The following PGCKA1 variants were observed in gnomAD, a reference collection of about 807,000 sequenced individuals.
The protein encoded by PGCKA1 is PDCD10 and GCKIII kinases-associated protein 1.
At chr4:37,470,701 G>A in the PGCKA1 span, among the ~76,000 whole-genome samples, 5 of 152,086 alleles carry the variant, frequency 3.3e-5, no homozygotes, top group African/African-American at 4.8e-5. Context: ...AATTATCACC[G>A]GAGCTACCTT....
chr4:37,590,917 G>C, the PGCKA1 span: 12 of 1,614,262 alleles, frequency 7.4e-6, no homozygotes, highest in Admixed American at 2.0e-4. Context: ...TGGGGAGATT[G>C]TGGACGAGGA....
At chr4:37,583,942 G>A in the PGCKA1 span, among the ~76,000 whole-genome samples, 1 of 152,190 alleles carries the variant, frequency 6.6e-6, no homozygotes, top group East Asian at 1.9e-4. Flanking sequence ...TGCCAAAAGG[G>A]AGGCAAGGAA....
At chr4:37,494,589 T>G in the PGCKA1 span, among the ~76,000 whole-genome samples, 2 of 152,350 alleles carry the variant, frequency 1.3e-5, no homozygotes, top group Admixed American at 6.5e-5. Flanking sequence ...TGAACATATG[T>G]GTGCATATGT....
the PGCKA1 span, among the ~76,000 whole-genome samples, chr4:37,487,048 G>A: frequency 6.6e-6 from 1 of 152,188 alleles, no homozygotes; most frequent in Non-Finnish European, 1.5e-5. Flanking sequence ...TACACTGGGA[G>A]TGATTGATGG....
At chr4:37,565,949 C>A in the PGCKA1 span, among the ~76,000 whole-genome samples, 3 of 152,136 alleles carry the variant, frequency 2.0e-5, no homozygotes, top group Non-Finnish European at 2.9e-5. Context: ...CCTAGCCTCC[C>A]AGCCTACATC....
the PGCKA1 span, among the ~76,000 whole-genome samples, chr4:37,463,698 C>A: frequency 6.6e-6 from 1 of 151,972 alleles, no homozygotes. Flanking sequence ...ATAGAGAAGT[C>A]ACAGCTCACT....
the PGCKA1 span, among the ~76,000 whole-genome samples, chr4:37,528,949 C>G: frequency 6.6e-6 from 1 of 152,066 alleles, no homozygotes; most frequent in Non-Finnish European, 1.5e-5. Context: ...ATATACAAAC[C>G]CATACTATTA....
chr4:37,587,120 G>C, the PGCKA1 span, among the ~76,000 whole-genome samples: 120 of 152,142 alleles, frequency 7.9e-4, no homozygotes, highest in African/African-American at 2.8e-3. Context: ...CTCTTGGTTT[G>C]TGACCTCCTT....
the PGCKA1 span, among the ~76,000 whole-genome samples, chr4:37,491,476 T>G: frequency 1.3e-5 from 2 of 152,206 alleles, no homozygotes; most frequent in South Asian, 4.1e-4. Context: ...TTTGTATGGT[T>G]TTATCTGTTT....
the PGCKA1 span, among the ~76,000 whole-genome samples, chr4:37,539,953 G>T: frequency 6.6e-6 from 1 of 151,958 alleles, no homozygotes; most frequent in East Asian, 1.9e-4. Context: ...ACATTCAAAA[G>T]CCTCTCTTCT....
chr4:37,469,164 TA>T, the PGCKA1 span, among the ~76,000 whole-genome samples: 3 of 152,216 alleles, frequency 2.0e-5, no homozygotes, highest in Non-Finnish European at 4.4e-5. Flanking sequence ...AGCTGTGTAG[TA>T]GGCTCTACCA....
the PGCKA1 span, among the ~76,000 whole-genome samples, chr4:37,459,902 G>T: frequency 6.8e-6 from 1 of 147,966 alleles, no homozygotes; most frequent in Admixed American, 6.9e-5. Context: ...AGGTAAACAT[G>T]TGCCATGGTG....
At chr4:37,548,445 TATC>T in the PGCKA1 span, among the ~76,000 whole-genome samples, 1 of 152,124 alleles carries the variant, frequency 6.6e-6, no homozygotes, top group Non-Finnish European at 1.5e-5. Context: ...GTTAAAAAGG[TATC>T]ATCCAGTTTT....
chr4:37,472,088 C>T, the PGCKA1 span, among the ~76,000 whole-genome samples: 77,400 of 152,018 alleles, frequency 0.51, 20,118 homozygotes, highest in Non-Finnish European at 0.55. Context: ...CACATTCTTT[C>T]GGTTCTTGGA....
the PGCKA1 span, among the ~76,000 whole-genome samples, chr4:37,510,813 A>G: frequency 4.7e-4 from 71 of 152,130 alleles, no homozygotes; most frequent in Non-Finnish European, 7.7e-4. Context: ...CCTAGGCACA[A>G]TGTGGGTCCA....
chr4:37,498,956 G>A, the PGCKA1 span, among the ~76,000 whole-genome samples: 1 of 152,140 alleles, frequency 6.6e-6, no homozygotes, highest in African/African-American at 2.4e-5. Context: ...TGTTGGTTGT[G>A]GATTTGTAAT....
At chr4:37,511,601 C>T in the PGCKA1 span, among the ~76,000 whole-genome samples, 1 of 151,920 alleles carries the variant, frequency 6.6e-6, no homozygotes, top group Non-Finnish European at 1.5e-5. Context: ...CTTACTCTTC[C>T]CTCTCTTCTC....
chr4:37,559,560 A>G, the PGCKA1 span, among the ~76,000 whole-genome samples: 1 of 151,956 alleles, frequency 6.6e-6, no homozygotes, highest in African/African-American at 2.4e-5. Context: ...TAACCTGCAC[A>G]TTGTGCACAT....
the PGCKA1 span, among the ~76,000 whole-genome samples, chr4:37,517,915 A>G: frequency 2.0e-5 from 3 of 152,102 alleles, no homozygotes; most frequent in Non-Finnish European, 2.9e-5. Context: ...TCCATCCCCA[A>G]CTACCCTTCC....
Sources: gnomAD v4.1 joint callset for allele counts (sites outside exome capture counted in the v4.1 genomes callset) on GRCh38, gnomAD v4.1.1 for gene constraint, MANE v1.5 for transcripts, NCBI Gene and HGNC (gene_info 2026-07-23, HGNC 2026-07-21) for gene names.